Variants in NDUFS4 observed in about 807,000 individuals in gnomAD.
NDUFS4 encodes NADH:ubiquinone oxidoreductase subunit S4, also known as NADH dehydrogenase [ubiquinone] iron-sulfur protein 4, mitochondrial.
Under a neutral mutation model 24.3 loss-of-function variants are expected in NDUFS4, and 28 were observed. The observed-to-expected ratio is 1.15, with a 90% CI of 0.85 to 1.58. The LOEUF (loss-of-function observed/expected upper bound fraction) is 1.58. Among genes scored for constraint, NDUFS4 ranks in the 40% most tolerant of loss-of-function variants. The pLI is 0.00. For missense variants in NDUFS4, 223 were observed against 207.9 expected (o/e 1.07, Z -0.45); for synonymous variants, 93 against 69.7 (o/e 1.34, Z -1.67).
intron 2 of NDUFS4, chr5:53,604,743 G>A: frequency 2.2e-6 from 1 of 456,134 alleles, no homozygotes; most frequent in Non-Finnish European, 4.4e-6. Flanking sequence ...GTACCACTGT[G>A]TTTTACATTC....
chr5:53,683,007 T>G, intron 4 of NDUFS4, 111 bp from the exon 5 acceptor site: 1 of 795,142 alleles, frequency 1.3e-6, no homozygotes. Context: ...ATACTCTTGA[T>G]GATAAATGAA....
intron 2 of NDUFS4, among the ~76,000 whole-genome samples, chr5:53,641,984 G>T (rs1167905980): frequency 6.6e-6 from 1 of 152,098 alleles, no homozygotes; most frequent in Non-Finnish European, 1.5e-5. Flanking sequence ...AAACTGTTCA[G>T]CATTGATCCA....
intron 4 of NDUFS4, among the ~76,000 whole-genome samples, chr5:53,679,760 A>G (rs992874291): frequency 2.0e-5 from 3 of 152,094 alleles, no homozygotes; most frequent in African/African-American, 7.2e-5. Context: ...TTCTTTCCTA[A>G]TGTCTTTATT....
chr5:53,642,133 A>C (rs1486842019), intron 2 of NDUFS4, among the ~76,000 whole-genome samples: 1 of 152,124 alleles, frequency 6.6e-6, no homozygotes, highest in East Asian at 1.9e-4. Flanking sequence ...GACAAGTGTA[A>C]ACTGTTAAGG....
At chr5:53,672,004 G>T (rs888723673) in intron 4 of NDUFS4, among the ~76,000 whole-genome samples, 25 of 152,050 alleles carry the variant, frequency 1.6e-4, no homozygotes, top group Non-Finnish European at 3.7e-4. Context: ...TTCATAGTGG[G>T]TCTATTGGGG....
intron 4 of NDUFS4, among the ~76,000 whole-genome samples, chr5:53,680,349 C>T (rs1281276367): frequency 6.6e-6 from 1 of 152,072 alleles, no homozygotes; most frequent in Non-Finnish European, 1.5e-5. Flanking sequence ...TGGGTATATA[C>T]CCAAAGGACT....
intron 2 of NDUFS4, among the ~76,000 whole-genome samples, chr5:53,631,678 G>C (rs922066358): frequency 6.6e-6 from 1 of 152,158 alleles, no homozygotes; most frequent in Admixed American, 6.5e-5. Context: ...TACACTGTAA[G>C]GATAAAACTG....
Position 53,571,572 on chromosome 5 carries a change from A to G in NDUFS4, c.98+10812A>G, listed in dbSNP as rs1013730234. ...AGTAGAATTGCAGGATAATGTAATA[A>G]CTCTATATTTAGCCTTTTGAGTAAC... On this transcript the variant is annotated intron_variant, in intron 1 of 4. Coordinates refer to ENST00000296684, the MANE Select transcript of NDUFS4 (RefSeq NM_002495.4). Among the ~76,000 whole-genome samples, 3 of 152,202 alleles carry G rather than the reference A, an allele frequency of 2.0e-5. No individual in the cohort carries two copies. The East Asian group carries it at 5.8e-4, about 29-fold the overall frequency.
chr5:53,582,544 A>G (rs1489619604), intron 1 of NDUFS4, among the ~76,000 whole-genome samples: 39 of 152,242 alleles, frequency 2.6e-4, no homozygotes, highest in Admixed American at 2.6e-3. Context: ...TGTGAACATG[A>G]GGAGAATGTG....
chr5:53,651,428 G>A (rs897575979), intron 3 of NDUFS4, among the ~76,000 whole-genome samples: 2 of 151,730 alleles, frequency 1.3e-5, no homozygotes, highest in Admixed American at 6.6e-5. Flanking sequence ...ATAAACCTGT[G>A]TCCCAGATAA....
At chr5:53,583,117 T>C (rs1057299291) in intron 1 of NDUFS4, among the ~76,000 whole-genome samples, 4 of 152,124 alleles carry the variant, frequency 2.6e-5, no homozygotes, top group Admixed American at 1.3e-4. Context: ...GACCTCATGA[T>C]CCGCCCGCCT....
chr5:53,657,924 C>CAAAAAAA, intron 3 of NDUFS4, among the ~76,000 whole-genome samples: 1 of 123,166 alleles, frequency 8.1e-6, no homozygotes, highest in Non-Finnish European at 1.7e-5. Flanking sequence ...GAGTCCATCT[C>CAAAAAAA]AAAAAAAAAA....
intron 1 of NDUFS4, among the ~76,000 whole-genome samples, chr5:53,573,134 G>C (rs775344074): frequency 6.6e-6 from 1 of 151,100 alleles, no homozygotes; most frequent in Non-Finnish European, 1.5e-5. Context: ...ACCATGCCTC[G>C]CTAATTTTTA....
At chr5:53,669,171 G>A (rs377478341) in intron 4 of NDUFS4, among the ~76,000 whole-genome samples, 6 of 152,176 alleles carry the variant, frequency 3.9e-5, no homozygotes, top group Admixed American at 3.9e-4. Flanking sequence ...AAACTGTTAC[G>A]TATACTGCCT....
At chr5:53,610,503 G>A (rs1168530370) in intron 2 of NDUFS4, among the ~76,000 whole-genome samples, 2 of 151,550 alleles carry the variant, frequency 1.3e-5, no homozygotes, top group African/African-American at 4.9e-5. Context: ...CCTCAACAGA[G>A]GGTTGCCAGA....
chr5:53,566,251 G>GT (rs1749021952), intron 1 of NDUFS4, among the ~76,000 whole-genome samples: 1 of 152,160 alleles, frequency 6.6e-6, no homozygotes, highest in African/African-American at 2.4e-5. Flanking sequence ...GAAGAGATCT[G>GT]TTTGGGGTGA....
At position 53,683,119 on chromosome 5, in the gene NDUFS4, A is replaced by G. The variant is rs1740727197; in HGVS notation, c.426A>G (p.Gly142=). 1.9e-6 allele frequency: 3 copies of G among 1,589,178 alleles called. No homozygotes were observed. The highest frequency in any genetic ancestry group is 1.7e-6 in the Non-Finnish European group (2 of 1,157,860). The part of the protein sequence containing the change: ...EDAVSFAEKN[G]WSYDIEERKV... ...TTTGTCTTTGTTTTTTCCTCCTAGG[A>G]TGGAGCTATGACATTGAAGAGAGGA... Residue 142 remains glycine (G), a splice_region_variant and synonymous_variant, in exon 5 of 5, where the codon GGA becomes GGG. Coordinates refer to ENST00000296684, the MANE Select transcript of NDUFS4 (RefSeq NM_002495.4).
chr5:53,585,302 G>T (rs1329026630), intron 1 of NDUFS4, among the ~76,000 whole-genome samples: 1 of 152,078 alleles, frequency 6.6e-6, no homozygotes, highest in African/African-American at 2.4e-5. Context: ...TTAATTACTT[G>T]TTCTGTTCTA....
intron 1 of NDUFS4, among the ~76,000 whole-genome samples, chr5:53,591,862 T>A (rs1487593066): frequency 6.6e-6 from 1 of 152,208 alleles, no homozygotes; most frequent in Admixed American, 6.5e-5. Flanking sequence ...TCTGTATATC[T>A]TCTTTGGTGA....
Sources: allele counts gnomAD v4.1 joint callset (sites outside exome capture counted in the v4.1 genomes callset), GRCh38; gene constraint gnomAD v4.1.1; transcripts MANE v1.5; gene names NCBI Gene and HGNC (gene_info 2026-07-23, HGNC 2026-07-21).